The following GOLGB1 variants were observed in gnomAD, a reference collection of about 807,000 sequenced individuals.
GOLGB1 encodes the protein golgin subfamily B member 1.
Under a neutral mutation model 336.9 loss-of-function variants are expected in GOLGB1, and 174 were observed. That is an observed-to-expected ratio of 0.52 (90% CI 0.46 to 0.59). The LOEUF is 0.59. Among genes scored for constraint, GOLGB1 ranks in the 20% least tolerant of loss-of-function variants. The pLI is 0.00. For missense variants in GOLGB1, 3,331 were observed against 3,645.3 expected, an observed-to-expected ratio of 0.91 and a Z score of 2.22; for synonymous variants, 1,208 against 1,289.2, an observed-to-expected ratio of 0.94 and a Z score of 1.35.
chr3:121,682,208 C>T (rs1403171406), intron 14 of GOLGB1, among the ~76,000 whole-genome samples: 1 of 152,172 alleles, frequency 6.6e-6, no homozygotes, highest in Non-Finnish European at 1.5e-5. Flanking sequence ...TGGGTGGTCA[C>T]ATCCTAAAAC....
Position 121,694,660 on chromosome 3 carries a change from T to G in GOLGB1, c.5863A>C (p.Lys1955Gln). 1.2e-6 allele frequency: 2 copies of G among 1,611,428 alleles called. No individual in the cohort carries two copies. Among genetic ancestry groups the G allele is most frequent in the Non-Finnish European group, 1.7e-6 (2 of 1,179,726 alleles). The stretch of plus-strand genomic sequence containing the variant: ...ATTTCAGATTCCAATAGCTCATTTT[T>G]TATTTGGGCATCTGTAACATCCTGA... The part of the protein sequence containing the change: ...YCQDVTDAQI[K>Q]NELLESEMKN... Residue 1955 changes from lysine (K) to glutamine (Q), a missense_variant, in exon 13 of 22, where the codon AAA (lysine) becomes CAA (glutamine). Lys to Gln is a moderately conservative substitution (Grantham distance 53). Transcript: ENST00000614479.
intron 10 of GOLGB1, among the ~76,000 whole-genome samples, chr3:121,709,592 C>A (rs757158389): frequency 2.7e-4 from 41 of 151,950 alleles, no homozygotes; most frequent in Admixed American, 2.4e-3. Context: ...AATCCATGGT[C>A]AATGAAAAAA....
rs368346817 is a variant in GOLGB1 at position 121,716,771 on chromosome 3, T to C, written c.1254A>G (p.Ala418=). ...SKLLQDKNEQ[A]VQSAQTIQQL... Reference sequence around the variant, plus strand: ...GCTGAATGGTCTGGGCTGACTGAACTGCTTGCTCATTCTTATCTTGGAGAA... The same window carrying C: ...GCTGAATGGTCTGGGCTGACTGAACCGCTTGCTCATTCTTATCTTGGAGAA... The change falls in exon 9 of 22, where the codon GCA becomes GCG. Residue 418 remains alanine, a synonymous_variant. Transcript: ENST00000614479. 7 of 1,613,546 alleles carry C rather than the reference T, an allele frequency of 4.3e-6. No individual in the cohort carries two copies. The highest frequency in any genetic ancestry group is 5.1e-6 in the Non-Finnish European group (6 of 1,179,502).
intron 1 of GOLGB1, among the ~76,000 whole-genome samples, chr3:121,732,660 T>C (rs1483099716): frequency 1.3e-5 from 2 of 152,228 alleles, no homozygotes; most frequent in East Asian, 3.8e-4. Flanking sequence ...CACATTTCAA[T>C]ATCTATTCAT....
At chr3:121,666,545 T>G (rs1938643793) in intron 20 of GOLGB1, among the ~76,000 whole-genome samples, 1 of 152,198 alleles carries the variant, frequency 6.6e-6, no homozygotes, top group African/African-American at 2.4e-5. Flanking sequence ...CAAAGCTGCA[T>G]ATCAAGGCCT....
intron 14 of GOLGB1, among the ~76,000 whole-genome samples, chr3:121,690,296 G>A (rs921615211): frequency 3.3e-5 from 5 of 152,134 alleles, no homozygotes; most frequent in Admixed American, 6.5e-5. Context: ...ATACTTCACT[G>A]TAAGAAGGCA....
chr3:121,684,364 A>G (rs11916169), intron 14 of GOLGB1, among the ~76,000 whole-genome samples: 30,004 of 151,510 alleles, frequency 0.2, 3,624 homozygotes, highest in East Asian at 0.46. Flanking sequence ...GAAATAAGAC[A>G]ACAGAGAAAA....
intron 9 of GOLGB1, among the ~76,000 whole-genome samples, chr3:121,715,369 A>ATTTTTTTTTTTT (rs373634444): frequency 1.6e-5 from 2 of 128,594 alleles, no homozygotes; most frequent in African/African-American, 3.0e-5. Flanking sequence ...TGCCTGGCTA[A>ATTTTTTTTTTTT]TTTTTTTTTT....
chr3:121,686,294 T>A (rs1357425020), intron 14 of GOLGB1, among the ~76,000 whole-genome samples: 1 of 152,180 alleles, frequency 6.6e-6, no homozygotes, highest in Non-Finnish European at 1.5e-5. Context: ...TCATTCCCTC[T>A]TTCTGATGGC....
At position 121,695,500 on chromosome 3, in the gene GOLGB1, C is replaced by G. The variant is rs772618123; in HGVS notation, c.5023G>C (p.Glu1675Gln). The change falls in exon 13 of 22, where the codon GAA becomes CAA. Residue 1675 changes from glutamate (E) to glutamine (Q), a missense_variant. Coordinates refer to ENST00000614479, the MANE Select transcript of GOLGB1 (RefSeq NM_001366282.2). ...ATCTTTTCTTTCATTTCCTCCATTT[C>G]TTGCTCAGCTTCCTGCAACTGCTTT... ...TEKQLQEAEQ[E>Q]MEEMKEKMRK... 4.0e-5 allele frequency: 65 copies of G among 1,614,006 alleles called. No individual in the cohort carries two copies. The highest frequency in any genetic ancestry group is 5.4e-5 in the Non-Finnish European group (64 of 1,179,974).
Position 121,676,951 on chromosome 3 carries a change from T to A in GOLGB1, c.9119A>T (p.Asn3040Ile). Residue 3040 changes from asparagine (N) to isoleucine (I), a missense_variant, in exon 17 of 22, where the codon AAT (asparagine) becomes ATT (isoleucine). Physicochemically the swap from Asn to Ile is moderately radical, Grantham distance 149. Transcript: ENST00000614479. ...YETELLRTQLNDSLKEIHQKE... is the reference protein window; with the variant it reads ...YETELLRTQLIDSLKEIHQKE... ...TTGGTGAATTTCCTTTAAGCTGTCA[T>A]TGAGCTGGGTCCTGAGAAGTTCTGT... 3 of 1,613,706 alleles carry A rather than the reference T, an allele frequency of 1.9e-6. No individual in the cohort carries two copies. The highest frequency in any genetic ancestry group is 2.5e-6 in the Non-Finnish European group (3 of 1,179,580).
chr3:121,702,697 G>A (rs1943506928), intron 10 of GOLGB1, 102 bp from the exon 11 acceptor site: 3 of 442,198 alleles, frequency 6.8e-6, no homozygotes, highest in African/African-American at 2.0e-5. Flanking sequence ...AAGTTCTCCA[G>A]CCATGAAAAT....
intron 1 of GOLGB1, among the ~76,000 whole-genome samples, chr3:121,741,001 A>T (rs546746147): frequency 2.0e-4 from 31 of 152,226 alleles, no homozygotes; most frequent in Middle Eastern, 6.8e-3. Flanking sequence ...TAAAGAAAAA[A>T]AAGCACTAGA....
Position 121,691,961 on chromosome 3 carries a change from A to G in GOLGB1, c.7403T>C (p.Val2468Ala). ...IQQKAQLDSF[V>A]KSMSSLQNDR... is the part of the protein sequence containing the mutation. ...ATTTTGGAGAGAAGACATGGATTTA[A>G]CAAAGGAATCCAACTGTGCCTTTTG... Residue 2468 changes from valine (V) to alanine (A), a missense_variant, in exon 14 of 22, where the codon GTT becomes GCT. Coordinates refer to ENST00000614479, the MANE Select transcript of GOLGB1 (RefSeq NM_001366282.2). 1 of 1,614,130 alleles carries G rather than the reference A, an allele frequency of 6.2e-7. No individual in the cohort carries two copies. Among genetic ancestry groups the G allele is most frequent in the Non-Finnish European group, 8.5e-7 (1 of 1,179,964 alleles).
chr3:121,685,845 T>C (rs927271285), intron 14 of GOLGB1, among the ~76,000 whole-genome samples: 1 of 152,212 alleles, frequency 6.6e-6, no homozygotes, highest in Non-Finnish European at 1.5e-5. Flanking sequence ...ATATGGGTCA[T>C]ATAACTTTAT....
Position 121,697,518 on chromosome 3 carries a change from G to T in GOLGB1, c.3005C>A (p.Ala1002Glu). The change falls in exon 13 of 22, where the codon GCA becomes GAA. Residue 1002 changes from alanine (A) to glutamate (E), a missense_variant. Ala to Glu is a moderately radical substitution (Grantham distance 107). Coordinates refer to ENST00000614479, the MANE Select transcript of GOLGB1 (RefSeq NM_001366282.2). Reference sequence around the variant, plus strand: ...AAGCTCCTTTCTGTTAATAAGAGCTGCCTGGAGCTTTCTCTTTCTCTGCTC... The same window carrying T: ...AAGCTCCTTTCTGTTAATAAGAGCTTCCTGGAGCTTTCTCTTTCTCTGCTC... ...ENEQRKRKLQ[A>E]ALINRKELLQ... 6.2e-7 allele frequency: 1 copy of T among 1,613,466 alleles called. No individual in the cohort carries two copies. Among genetic ancestry groups the T allele is most frequent in the Non-Finnish European group, 8.5e-7 (1 of 1,179,834 alleles).
intron 1 of GOLGB1, among the ~76,000 whole-genome samples, chr3:121,746,298 A>G (rs536923986): frequency 5.3e-4 from 80 of 152,312 alleles, no homozygotes; most frequent in African/African-American, 1.9e-3. Flanking sequence ...ATAATTTTAC[A>G]ATTAGAAAAT....
intron 4 of GOLGB1, among the ~76,000 whole-genome samples, chr3:121,727,320 A>ATATATATATATATATATATT (rs1365310516): frequency 3.5e-5 from 1 of 28,626 alleles, no homozygotes; most frequent in Non-Finnish European, 6.2e-5. Context: ...ATATATATAT[A>ATATATATATATATATATATT]TTTTTTTTTT....
intron 10 of GOLGB1, among the ~76,000 whole-genome samples, chr3:121,704,713 T>G (rs908116642): frequency 6.7e-6 from 1 of 149,098 alleles, no homozygotes. Flanking sequence ...GAGGCACAGG[T>G]TGCGGTGAGC....
Sources: allele counts gnomAD v4.1 joint callset (sites outside exome capture counted in the v4.1 genomes callset), GRCh38; gene constraint gnomAD v4.1.1; transcripts MANE v1.5; gene names NCBI Gene and HGNC (gene_info 2026-07-23, HGNC 2026-07-21).